TNS1: variants seen among roughly 807,000 people sequenced by gnomAD.
The protein encoded by TNS1 is tensin 1.
In TNS1, 62 loss-of-function variants were observed where a neutral mutation model predicts 168.6. The observed-to-expected ratio is 0.37, with a 90% CI of 0.30 to 0.45. TNS1 has a LOEUF of 0.45. Ranked by LOEUF, TNS1 falls within the 20% of genes least tolerant of loss-of-function variation. TNS1 has a pLI of 1.00. For synonymous variants in TNS1, 934 were observed against 933.2 expected (o/e 1.00, Z -0.02); for missense variants, 2,240 against 2,339.4 (o/e 0.96, Z 0.88).
At chr2:217,854,787 A>G (rs1239137399) in intron 18 of TNS1, among the ~76,000 whole-genome samples, 1 of 152,136 alleles carries the variant, frequency 6.6e-6, no homozygotes, top group African/African-American at 2.4e-5. Context: ...GGCAGGCACC[A>G]GGACAGGAGG....
Position 217,812,328 on chromosome 2 carries a change from C to T in TNS1, c.5032+40G>A, listed in dbSNP as rs768005547. On this transcript the variant is annotated intron_variant, in intron 28 of 32. Transcript: ENST00000682258. ...GATCAAGACATGACAAGGGCCAGCT[C>T]AAGGGTGTGGGTGGTGAGCCAGGAG... The T allele has an allele frequency of 2.5e-6, 4 of 1,573,120 alleles. No individual in the cohort carries two copies. The South Asian group carries it at 4.5e-5, about 18-fold the overall frequency.
At chr2:218,022,641 G>A (rs1035996248) in intron 1 of TNS1, among the ~76,000 whole-genome samples, 3 of 151,940 alleles carry the variant, frequency 2.0e-5, no homozygotes, top group Non-Finnish European at 4.4e-5. Flanking sequence ...GCTCACAGAG[G>A]GGGAGATAAA....
intron 3 of TNS1, chr2:217,943,811 A>T (rs1363560397): frequency 6.5e-6 from 1 of 152,708 alleles, no homozygotes; most frequent in Non-Finnish European, 1.5e-5. Context: ...CACAAATATA[A>T]CACGCACACT....
At chr2:217,965,221 T>C (rs1957596107) in intron 3 of TNS1, among the ~76,000 whole-genome samples, 1 of 152,298 alleles carries the variant, frequency 6.6e-6, no homozygotes, top group Non-Finnish European at 1.5e-5. Context: ...CTCAGAAGAA[T>C]AGAACAAGAG....
At chr2:217,937,512 GCT>G (rs1419481212) in intron 3 of TNS1, among the ~76,000 whole-genome samples, 1 of 152,082 alleles carries the variant, frequency 6.6e-6, no homozygotes, top group Non-Finnish European at 1.5e-5. Context: ...CACTCAACCA[GCT>G]CTGCCATTTC....
At chr2:217,962,637 C>A (rs1304025360) in intron 3 of TNS1, among the ~76,000 whole-genome samples, 1 of 152,160 alleles carries the variant, frequency 6.6e-6, no homozygotes, top group Admixed American at 6.5e-5. Flanking sequence ...AGGCACCATT[C>A]TTTACAGTAG....
chr2:217,956,299 G>T (rs72951950), intron 3 of TNS1, among the ~76,000 whole-genome samples: 4,957 of 152,038 alleles, frequency 0.033, 142 homozygotes, highest in South Asian at 0.099. Flanking sequence ...CACCGCACCC[G>T]GCCACTCTTT....
At chr2:218,019,261 C>A (rs1303497281) in intron 1 of TNS1, among the ~76,000 whole-genome samples, 3 of 152,134 alleles carry the variant, frequency 2.0e-5, no homozygotes, top group African/African-American at 7.2e-5. Flanking sequence ...AGAGCTGGAT[C>A]TCCCAGAAAG....
chr2:217,885,624 G>T, intron 15 of TNS1, 120 bp downstream of exon 15: 12 of 1,022,442 alleles, frequency 1.2e-5, no homozygotes, highest in Non-Finnish European at 1.5e-5. Flanking sequence ...AGAGCCTATG[G>T]TTCCAAGCCT....
intron 18 of TNS1, among the ~76,000 whole-genome samples, chr2:217,862,458 C>T (rs1367627645): frequency 6.6e-6 from 1 of 152,154 alleles, no homozygotes; most frequent in Non-Finnish European, 1.5e-5. Flanking sequence ...TCATAAAACA[C>T]AAGTTCTAGA....
intron 19 of TNS1, among the ~76,000 whole-genome samples, chr2:217,843,083 C>T (rs55840817): frequency 2.6e-4 from 40 of 151,602 alleles, no homozygotes; most frequent in Admixed American, 5.9e-4. Context: ...CATGTTGAAT[C>T]GAATGATTGA....
rs191053661 is a variant in TNS1, at chr2:217,942,527, T to C, written c.187-22291A>G. 2.8e-3 allele frequency among the ~76,000 whole-genome samples: 422 copies of C among 152,252 alleles called. 11 individuals are homozygous for C. Among genetic ancestry groups the C allele is most frequent in the Admixed American group, 0.025 (388 of 15,306 alleles). ...GTACTGAGGTCCAAGGAGAGCTGTA[T>C]TCAGGCTTACAGGAGTGGCCACCAG... On this transcript the variant is annotated intron_variant, in intron 3 of 32. Transcript: ENST00000682258.
At chr2:217,944,582 C>A (rs1419013716) in intron 3 of TNS1, among the ~76,000 whole-genome samples, 2 of 152,216 alleles carry the variant, frequency 1.3e-5, no homozygotes, top group African/African-American at 4.8e-5. Flanking sequence ...CACTTCTGAA[C>A]CTGCTTTTTT....
chr2:217,867,906 A>T (rs2125577479), intron 18 of TNS1, among the ~76,000 whole-genome samples: 1 of 151,940 alleles, frequency 6.6e-6, no homozygotes, highest in African/African-American at 2.4e-5. Context: ...AATCACCCTT[A>T]CTCTGCTCCA....
chr2:217,908,657 T>A (rs1953981316), intron 4 of TNS1, among the ~76,000 whole-genome samples: 1 of 152,020 alleles, frequency 6.6e-6, no homozygotes, highest in Non-Finnish European at 1.5e-5. Context: ...GTAACAGTGC[T>A]CTCTCTGGAA....
intron 3 of TNS1, among the ~76,000 whole-genome samples, chr2:217,946,345 G>C (rs913363517): frequency 1.3e-5 from 2 of 152,130 alleles, no homozygotes; most frequent in Non-Finnish European, 2.9e-5. Flanking sequence ...GAACGATAAG[G>C]GATTTGTTCA....
intron 4 of TNS1, among the ~76,000 whole-genome samples, chr2:217,917,412 A>G (rs542782210): frequency 6.6e-6 from 1 of 152,208 alleles, no homozygotes; most frequent in African/African-American, 2.4e-5. Context: ...CATGGGCAAA[A>G]CCCCTTAAAC....
At chr2:217,903,826 C>A in intron 6 of TNS1, 1 of 516,022 alleles carries the variant, frequency 1.9e-6, no homozygotes, top group Non-Finnish European at 3.4e-6. Context: ...GGTCTATGAC[C>A]CCAGGTTCTG....
chr2:217,948,182 C>G lies in TNS1; in HGVS notation c.187-27946G>C, dbSNP rs1957159203. Among the ~76,000 whole-genome samples, 1 of 152,230 alleles carries G rather than the reference C, an allele frequency of 6.6e-6. No homozygotes were observed. The highest frequency in any genetic ancestry group is 2.4e-5 in the African/African-American group (1 of 41,450). On this transcript the variant is annotated intron_variant, in intron 3 of 32. Transcript: ENST00000682258. This position sits in a 1 kb window ranked among gnomAD's most constrained non-coding sequence, Gnocchi z 4.1. ...AGCACTAAGGTGAAGTTCCTCTGAG[C>G]TGCGCTAAAAGCTGACAAGATTCCC...
Sources: allele counts gnomAD v4.1 joint callset (sites outside exome capture counted in the v4.1 genomes callset), GRCh38; gene constraint gnomAD v4.1.1; non-coding constraint Gnocchi (gnomAD v3.1); transcripts MANE v1.5; gene names NCBI Gene and HGNC (gene_info 2026-07-23, HGNC 2026-07-21).